SMG9: variants seen among roughly 807,000 people sequenced by gnomAD.
SMG9 encodes the protein nonsense-mediated mRNA decay factor SMG9.
SMG9 carries 55 observed loss-of-function variants against 64.0 expected under a neutral mutation model. The ratio of observed to expected loss-of-function variants is 0.86; its 90% CI spans 0.69 to 1.08. SMG9 has a LOEUF of 1.08. Among genes scored for constraint, SMG9 ranks in the 50% least tolerant of loss-of-function variants. The pLI, the probability that SMG9 is intolerant of heterozygous loss-of-function variation, is 0.00. For synonymous variants in SMG9, 244 were observed against 254.8 expected (o/e 0.96, Z 0.41); for missense variants, 554 against 681.3 (o/e 0.81, Z 2.08).
At chr19:43,746,650 G>C (rs1969019852) in intron 5 of SMG9, among the ~76,000 whole-genome samples, 2 of 151,772 alleles carry the variant, frequency 1.3e-5, no homozygotes, top group East Asian at 1.9e-4. Flanking sequence ...ACAGGTCTAG[G>C]GGAGAAAAAG....
chr19:43,748,622 C>A (rs1033230182), intron 2 of SMG9: 4 of 519,226 alleles, frequency 7.7e-6, no homozygotes, highest in Middle Eastern at 3.6e-4. Flanking sequence ...CCCTCCTGCT[C>A]TGGCAAAGCT....
intron 2 of SMG9, among the ~76,000 whole-genome samples, chr19:43,749,772 G>A (rs1444912101): frequency 6.6e-6 from 1 of 152,324 alleles, no homozygotes; most frequent in South Asian, 2.1e-4. Context: ...GGCACAAGCC[G>A]ATCCCTCCTG....
At chr19:43,748,116 C>T in intron 2 of SMG9, 64 bp from the exon 3 acceptor site, 1 of 1,528,596 alleles carries the variant, frequency 6.5e-7, no homozygotes, top group Non-Finnish European at 8.8e-7. Flanking sequence ...CTTTATGTAC[C>T]ATGAACTATT....
At chr19:43,734,834 A>C in intron 9 of SMG9, 3 of 203,412 alleles carry the variant, frequency 1.5e-5, no homozygotes, top group East Asian at 2.3e-4. Flanking sequence ...GACTATCAAC[A>C]TCTCCAACCT....
chr19:43,737,942 G>C, intron 8 of SMG9, 180 bp downstream of exon 8: 1 of 680,616 alleles, frequency 1.5e-6, no homozygotes, highest in Non-Finnish European at 2.5e-6. Context: ...CTGAGGGGCA[G>C]AGCCAGGAGT....
At chr19:43,750,561 A>AT (rs772697669) in intron 2 of SMG9, 31 bp downstream of exon 2, 17 of 1,589,920 alleles carry the variant, frequency 1.1e-5, no homozygotes, top group Non-Finnish European at 1.5e-5. Flanking sequence ...AAATAGATAC[A>AT]TGAATGCTGC....
chr19:43,752,053 T>C (rs346544), intron 1 of SMG9, among the ~76,000 whole-genome samples: 42,804 of 152,008 alleles, frequency 0.28, 6,918 homozygotes, highest in African/African-American at 0.45. Flanking sequence ...TCATTACTAG[T>C]GTATGTCATG....
intron 13 of SMG9, among the ~76,000 whole-genome samples, chr19:43,732,116 C>T (rs1438100738): frequency 2.0e-5 from 3 of 152,254 alleles, no homozygotes; most frequent in Admixed American, 2.0e-4. Context: ...CAAAGCTCTG[C>T]CCCATCTCTG....
rs564206443 is a variant in SMG9, at chr19:43,751,412, T to C, written c.-6-665A>G. Among the ~76,000 whole-genome samples the C allele has an allele frequency of 3.9e-5, 6 of 152,228 alleles. No individual in the cohort carries two copies. The East Asian group carries it at 1.2e-3, about 29-fold the overall frequency. On this transcript the variant is annotated intron_variant, in intron 1 of 13. Transcript: ENST00000270066. The stretch of plus-strand genomic sequence containing the variant: ...TCAGCCTCCCAAAGGGCTGGGATTA[T>C]AGGCGTGAGCCACCATGCCCGGCCA...
chr19:43,750,186 G>A, intron 2 of SMG9: 1 of 525,064 alleles, frequency 1.9e-6, no homozygotes, highest in Non-Finnish European at 3.8e-6. Context: ...TACATGATTT[G>A]GCCCCAGTTA....
intron 1 of SMG9, chr19:43,754,267 C>A (rs531286148): frequency 6.6e-6 from 1 of 152,092 alleles, no homozygotes; most frequent in African/African-American, 2.4e-5. Context: ...CTAAGGACTC[C>A]CTAGGATTTA....
intron 6 of SMG9, among the ~76,000 whole-genome samples, chr19:43,743,704 G>C (rs1234836712): frequency 6.6e-6 from 1 of 152,222 alleles, no homozygotes; most frequent in Non-Finnish European, 1.5e-5. Flanking sequence ...GCTGAAGTGG[G>C]AAGATCACTT....
intron 9 of SMG9, among the ~76,000 whole-genome samples, chr19:43,736,546 C>G (rs1968672326): frequency 6.6e-6 from 1 of 152,196 alleles, no homozygotes; most frequent in African/African-American, 2.4e-5. Flanking sequence ...CCAGGTCCTG[C>G]CTCCCTGAGT....
intron 1 of SMG9, among the ~76,000 whole-genome samples, chr19:43,753,891 G>C (rs1167600021): frequency 6.7e-6 from 1 of 150,036 alleles, no homozygotes; most frequent in East Asian, 2.0e-4. Context: ...CTCCAGCCTG[G>C]GCGACAGAGC....
At chr19:43,732,566 G>C in intron 13 of SMG9, 1 of 413,040 alleles carries the variant, frequency 2.4e-6, no homozygotes, top group Non-Finnish European at 4.4e-6. Flanking sequence ...ACAGATGTGT[G>C]GCCTTGCTAT....
At position 43,738,168 on chromosome 19, in the gene SMG9, T is replaced by C. The variant is rs771528817; in HGVS notation, c.863A>G (p.Lys288Arg). Residue 288 changes from lysine to arginine, a missense_variant, in exon 8 of 14, where the codon AAA (lysine) becomes AGA (arginine). Lys to Arg is a conservative substitution (Grantham distance 26). Transcript: ENST00000270066. ...ILDHLINNDR[K>R]LPPEYNLPHT... ...GGGAAGGTTGTACTCTGGAGGCAGT[T>C]TGCGGTCATTATTGATGAGATGGTC... The C allele has an allele frequency of 1.8e-5, 29 of 1,613,910 alleles. No individual in the cohort carries two copies. The African/African-American group carries it at 2.5e-4, about 14-fold the overall frequency.
At chr19:43,732,747 G>C (rs1968522833) in intron 13 of SMG9, 111 bp downstream of exon 13, 1 of 1,319,108 alleles carries the variant, frequency 7.6e-7, no homozygotes, top group Non-Finnish European at 1.1e-6. Context: ...AAGGAACCTG[G>C]GATCTGGAGA....
chr19:43,749,639 T>C (rs756959748), intron 2 of SMG9, among the ~76,000 whole-genome samples: 2 of 152,206 alleles, frequency 1.3e-5, no homozygotes, highest in Admixed American at 6.5e-5. Flanking sequence ...CTGGCCCCAG[T>C]TGTCACCTAC....
At chr19:43,735,310 G>A (rs1307460975) in intron 9 of SMG9, among the ~76,000 whole-genome samples, 2 of 152,054 alleles carry the variant, frequency 1.3e-5, no homozygotes, top group Non-Finnish European at 2.9e-5. Context: ...GGCAATTATG[G>A]ATACAGCTGC....
Sources: allele counts gnomAD v4.1 joint callset (sites outside exome capture counted in the v4.1 genomes callset), GRCh38; gene constraint gnomAD v4.1.1; transcripts MANE v1.5; gene names NCBI Gene and HGNC (gene_info 2026-07-23, HGNC 2026-07-21).